The following FRMPD4 variants were observed in gnomAD, a reference collection of about 807,000 sequenced individuals.
The protein encoded by FRMPD4 is FERM and PDZ domain containing 4.
FRMPD4 carries 22 observed loss-of-function variants against 94.1 expected under a neutral mutation model. The observed-to-expected ratio is 0.23, with a 90% CI of 0.17 to 0.33. FRMPD4 has a LOEUF of 0.33. Among genes scored for constraint, FRMPD4 ranks in the 10% least tolerant of loss-of-function variants. The pLI is 1.00. For synonymous variants in FRMPD4, 631 were observed against 548.6 expected, an observed-to-expected ratio of 1.15 and a Z score of -2.10; for missense variants, 1,111 against 1,339.9, an observed-to-expected ratio of 0.83 and a Z score of 2.67.
chrX:12,705,115 C>A (rs1347488459), intron 11 of FRMPD4, among the ~76,000 whole-genome samples: 1 of 112,131 alleles, frequency 8.9e-6, no homozygotes, highest in Non-Finnish European at 1.9e-5. Flanking sequence ...TATTGACAAA[C>A]AATGGATTCA....
intron 14 of FRMPD4, among the ~76,000 whole-genome samples, chrX:12,714,664 C>T (rs2042046302): frequency 9.0e-6 from 1 of 111,032 alleles, no homozygotes; most frequent in Non-Finnish European, 1.9e-5. Flanking sequence ...TCTGGGCCTC[C>T]CTTTACAGAA....
intron 1 of FRMPD4, among the ~76,000 whole-genome samples, chrX:12,252,313 G>A (rs1204288639): frequency 9.0e-6 from 1 of 111,458 alleles, no homozygotes; most frequent in Non-Finnish European, 1.9e-5. Context: ...ATATTTGCCT[G>A]AACCAGTGAG....
intron 3 of FRMPD4, among the ~76,000 whole-genome samples, chrX:11,971,182 T>G (rs2054338258): frequency 8.9e-6 from 1 of 112,081 alleles, no homozygotes; most frequent in African/African-American, 3.2e-5. Context: ...ACTCTAAAAT[T>G]GGAGTCTGAG....
At chrX:12,457,683 A>G (rs976720416) in intron 1 of FRMPD4, among the ~76,000 whole-genome samples, 1 of 112,155 alleles carries the variant, frequency 8.9e-6, no homozygotes, top group Non-Finnish European at 1.9e-5. Flanking sequence ...GGTGTCAGGT[A>G]AGTGTTGATT....
intron 1 of FRMPD4, among the ~76,000 whole-genome samples, chrX:12,386,415 C>G (rs929936217): frequency 8.9e-6 from 1 of 112,014 alleles, no homozygotes; most frequent in East Asian, 2.8e-4. Context: ...TTAGGAGGGA[C>G]TTTTTCTAAT....
intron 1 of FRMPD4, among the ~76,000 whole-genome samples, chrX:12,312,595 G>A (rs1456985232): frequency 1.8e-5 from 2 of 110,897 alleles, no homozygotes; most frequent in African/African-American, 6.6e-5. Context: ...TAGATTTAAG[G>A]TGATGTTTTT....
chrX:11,892,705 C>T (rs1452250997), intron 3 of FRMPD4, among the ~76,000 whole-genome samples: 2 of 112,340 alleles, frequency 1.8e-5, no homozygotes, highest in Non-Finnish European at 3.8e-5. Context: ...TCCTAGGGGT[C>T]TGCTGCTTTT....
intron 4 of FRMPD4, among the ~76,000 whole-genome samples, chrX:12,638,480 C>T (rs959514917): frequency 1.8e-4 from 20 of 111,101 alleles, no homozygotes; most frequent in African/African-American, 6.6e-4. Flanking sequence ...AGGCAGTCCG[C>T]CCACCTCAGC....
chrX:12,030,174 C>T (rs2054683293), intron 3 of FRMPD4, among the ~76,000 whole-genome samples: 1 of 112,130 alleles, frequency 8.9e-6, no homozygotes, highest in Non-Finnish European at 1.9e-5. Flanking sequence ...ACACTGGCAT[C>T]CTGGTAGGAG....
intron 4 of FRMPD4, among the ~76,000 whole-genome samples, chrX:12,657,484 G>T (rs2059669842): frequency 8.9e-6 from 1 of 111,961 alleles, no homozygotes; most frequent in Non-Finnish European, 1.9e-5. Flanking sequence ...CCACAGTATG[G>T]AAGCCATAGT....
At chrX:12,465,618 T>C (rs1179799432) in intron 1 of FRMPD4, among the ~76,000 whole-genome samples, 1 of 112,155 alleles carries the variant, frequency 8.9e-6, no homozygotes, top group African/African-American at 3.2e-5. Flanking sequence ...GTTTCATAAA[T>C]TCACTGGAAT....
intron 2 of FRMPD4, among the ~76,000 whole-genome samples, chrX:12,513,412 T>C: frequency 9.0e-6 from 1 of 111,632 alleles, no homozygotes. Context: ...AAGGAAGGGG[T>C]CCAGTTTCAA....
At chrX:11,989,126 A>T (rs2054449809) in intron 3 of FRMPD4, among the ~76,000 whole-genome samples, 1 of 112,127 alleles carries the variant, frequency 8.9e-6, no homozygotes, top group Non-Finnish European at 1.9e-5. Flanking sequence ...AAAGAAAGGA[A>T]GTAAATATAT....
At chrX:11,960,942 G>A (rs752434251) in intron 3 of FRMPD4, among the ~76,000 whole-genome samples, 6 of 112,071 alleles carry the variant, frequency 5.4e-5, no homozygotes, top group South Asian at 7.5e-4. Context: ...GATTATCTGC[G>A]TATAACCAGT....
intron 3 of FRMPD4, among the ~76,000 whole-genome samples, chrX:11,895,263 C>G (rs187930136): frequency 8.1e-5 from 9 of 111,598 alleles, no homozygotes; most frequent in Non-Finnish European, 1.7e-4. Context: ...CAAGTTACAA[C>G]GCCATCAAGT....
intron 4 of FRMPD4, among the ~76,000 whole-genome samples, chrX:12,650,262 AACAG>A (rs761697111): frequency 1.8e-5 from 2 of 111,908 alleles, no homozygotes; most frequent in Non-Finnish European, 3.8e-5. Context: ...TCTGGATGCA[AACAG>A]ACAGCAGGAG....
At chrX:12,111,631 G>A (rs1215833605) in intron 3 of FRMPD4, among the ~76,000 whole-genome samples, 7 of 111,520 alleles carry the variant, frequency 6.3e-5, no homozygotes, top group Admixed American at 4.8e-4. Flanking sequence ...GAGTGAACAG[G>A]CAACCTACAG....
intron 1 of FRMPD4, among the ~76,000 whole-genome samples, chrX:12,267,663 T>C (rs1191439302): frequency 1.8e-5 from 2 of 112,917 alleles, no homozygotes; most frequent in East Asian, 5.6e-4. Context: ...CTGGTGTTCA[T>C]TTGCTTTAAG....
At chrX:11,827,062 TTATATA>T (rs796566750) in intron 1 of FRMPD4, among the ~76,000 whole-genome samples, 3 of 80,605 alleles carry the variant, frequency 3.7e-5, no homozygotes, top group Admixed American at 1.4e-4. Flanking sequence ...TAGATGGAAA[TTATATA>T]TATATATATA....
Sources: gnomAD v4.1 joint callset for allele counts (sites outside exome capture counted in the v4.1 genomes callset) on GRCh38, gnomAD v4.1.1 for gene constraint, MANE v1.5 for transcripts, NCBI Gene and HGNC (gene_info 2026-07-23, HGNC 2026-07-21) for gene names.